Variants in SYT16 observed in about 807,000 individuals in gnomAD.
SYT16 encodes the protein synaptotagmin-16.
A neutral mutation model predicts 61.4 loss-of-function variants in SYT16; 42 were observed. The observed-to-expected ratio is 0.68, with a 90% CI of 0.53 to 0.89. The LOEUF is 0.89. Ranked by LOEUF, SYT16 falls within the 40% of genes least tolerant of loss-of-function variation. The pLI, the probability that SYT16 is intolerant of heterozygous loss-of-function variation, is 0.00. For missense variants in SYT16, 804 were observed against 807.3 expected, an observed-to-expected ratio of 1.00 and a Z score of 0.05; for synonymous variants, 314 against 302.3, an observed-to-expected ratio of 1.04 and a Z score of -0.40.
intron 1 of SYT16, among the ~76,000 whole-genome samples, chr14:61,953,726 C>G (rs1036753590): frequency 6.6e-6 from 1 of 152,162 alleles, no homozygotes; most frequent in Non-Finnish European, 1.5e-5. Context: ...CTTCCTTATC[C>G]TGGGACTGAA....
At position 61,996,479 on chromosome 14, in the gene SYT16, C is replaced by G; in HGVS notation, c.460C>G (p.Leu154Val). 2 of 1,613,202 alleles carry G rather than the reference C, an allele frequency of 1.2e-6. No individual in the cohort carries two copies. Among genetic ancestry groups the G allele is most frequent in the South Asian group, 1.1e-5 (1 of 90,964 alleles). The change falls in exon 3 of 8, where the codon CTT (leucine) becomes GTT (valine). Residue 154 changes from leucine to valine, a missense_variant. Physicochemically the swap from Leu to Val is conservative, Grantham distance 32. Transcript: ENST00000683842. ...TCACCTTGAAAAGCAAAGAAGTGGC[C>G]TTCAACATGGCTTTGACAGCCAGCT... Reference protein sequence around the residue: ...EHHLEKQRSGLQHGFDSQLPG... With the variant: ...EHHLEKQRSGVQHGFDSQLPG...
intron 4 of SYT16, among the ~76,000 whole-genome samples, chr14:62,071,741 C>G (rs1201097919): frequency 6.6e-6 from 1 of 151,972 alleles, no homozygotes; most frequent in Non-Finnish European, 1.5e-5. Context: ...CTGTTTTATT[C>G]CACTGTAAAC....
chr14:61,829,811 C>G (rs1030764353), intron 1 of SYT16, among the ~76,000 whole-genome samples: 1 of 152,060 alleles, frequency 6.6e-6, no homozygotes, highest in Admixed American at 6.6e-5. Flanking sequence ...CCAGCCACCA[C>G]GCCCAGCTAA....
intron 1 of SYT16, among the ~76,000 whole-genome samples, chr14:61,932,746 C>T (rs187037402): frequency 1.3e-5 from 2 of 152,302 alleles, no homozygotes; most frequent in African/African-American, 4.8e-5. Flanking sequence ...CCTTACACCC[C>T]TTCCCCATCT....
intron 1 of SYT16, among the ~76,000 whole-genome samples, chr14:61,957,257 G>C (rs2050915498): frequency 6.6e-6 from 1 of 151,796 alleles, no homozygotes; most frequent in African/African-American, 2.4e-5. Context: ...GGCATCTGCA[G>C]ACAGAGAAAG....
At position 62,100,376 on chromosome 14, in the gene SYT16, C is replaced by CTTTT. The variant is rs749150838; in HGVS notation, c.1625-11_1625-8dup. 13 of 1,286,598 alleles carry CTTTT rather than the reference C, an allele frequency of 1.0e-5. No individual in the cohort carries two copies. Among genetic ancestry groups the CTTTT allele is most frequent in the South Asian group, 1.5e-5 (1 of 64,960 alleles). The allele number at this position is 1,286,598 out of a possible 1,614,324, so 79.7% of individuals were successfully genotyped here. ...TGTTTCTTATCATCCCCACCCCACC[C>CTTTT]TTTTTTTTTTGTCTTAGATACATAT... is the stretch of plus-strand genomic sequence containing the variant. On this transcript the variant is annotated splice_polypyrimidine_tract_variant and intron_variant, in intron 7 of 7. Transcript: ENST00000683842.
chr14:61,887,289 C>T (rs1178730258), intron 1 of SYT16, among the ~76,000 whole-genome samples: 1 of 152,196 alleles, frequency 6.6e-6, no homozygotes, highest in East Asian at 1.9e-4. Flanking sequence ...AACAGATATG[C>T]TGTCATCCAG....
At chr14:61,993,172 C>G (rs1333615326) in intron 2 of SYT16, among the ~76,000 whole-genome samples, 1 of 150,568 alleles carries the variant, frequency 6.6e-6, no homozygotes, top group Non-Finnish European at 1.5e-5. Flanking sequence ...AGTTTTCTAC[C>G]AAACATCACA....
chr14:61,831,113 A>T (rs920536257), intron 1 of SYT16, among the ~76,000 whole-genome samples: 2 of 152,234 alleles, frequency 1.3e-5, no homozygotes, highest in Admixed American at 6.5e-5. Context: ...TTTGGTTGTC[A>T]CAACTGGAGG....
chr14:61,873,601 C>A (rs149410401), intron 1 of SYT16, among the ~76,000 whole-genome samples: 4 of 152,280 alleles, frequency 2.6e-5, no homozygotes, highest in South Asian at 2.1e-4. Context: ...TTTAAAAAAT[C>A]ATTTTCTCAC....
chr14:62,007,353 T>C (rs2053264359), intron 3 of SYT16, among the ~76,000 whole-genome samples: 1 of 152,186 alleles, frequency 6.6e-6, no homozygotes, highest in African/African-American at 2.4e-5. Flanking sequence ...CATTTGATAG[T>C]ATTTGCCATC....
chr14:62,090,225 A>C lies in SYT16; in HGVS notation c.1624+5840A>C, dbSNP rs539671237. Among the ~76,000 whole-genome samples, 38 of 152,350 alleles carry C rather than the reference A, an allele frequency of 2.5e-4. No individual in the cohort carries two copies. The South Asian group carries it at 7.9e-3, about 32-fold the overall frequency. ...ATGTACAGATATAATGGTCATTGTC[A>C]AAAACTATCATTAAGATGTTCCCTC... On this transcript the variant is annotated intron_variant, in intron 7 of 7. Coordinates refer to ENST00000683842, the MANE Select transcript of SYT16 (RefSeq NM_001367656.1).
intron 3 of SYT16, among the ~76,000 whole-genome samples, chr14:62,012,895 G>A (rs2053525055): frequency 6.6e-6 from 1 of 152,184 alleles, no homozygotes. Context: ...AGACTGCAGG[G>A]AAACTCACAT....
intron 3 of SYT16, among the ~76,000 whole-genome samples, chr14:61,998,550 C>T (rs2052864330): frequency 6.6e-6 from 1 of 151,960 alleles, no homozygotes; most frequent in Admixed American, 6.6e-5. Context: ...ATTGCTGAAT[C>T]ATATTCCATT....
At chr14:62,079,031 T>C (rs1358456002) in intron 5 of SYT16, among the ~76,000 whole-genome samples, 1 of 152,232 alleles carries the variant, frequency 6.6e-6, no homozygotes, top group African/African-American at 2.4e-5. Context: ...TGTTAGCTAT[T>C]ATTACTTATG....
intron 1 of SYT16, among the ~76,000 whole-genome samples, chr14:61,819,673 A>C (rs1341676354): frequency 1.3e-5 from 2 of 152,212 alleles, no homozygotes; most frequent in South Asian, 4.1e-4. Context: ...CAGATAACCT[A>C]CCAATTACAA....
chr14:61,894,718 C>T lies in SYT16; in HGVS notation c.-324-75414C>T, dbSNP rs1186709727. ...TCTTCTCAGAGAGGGAGGCTGGATT[C>T]TGTGCACACTCAAGAATCACTTCAT... On this transcript the variant is annotated intron_variant, in intron 1 of 7. Transcript: ENST00000683842. Among the ~76,000 whole-genome samples the T allele has an allele frequency of 3.3e-5, 5 of 152,132 alleles. 1 individual carries two copies.
intron 1 of SYT16, among the ~76,000 whole-genome samples, chr14:61,842,046 T>C (rs555405184): frequency 6.6e-6 from 1 of 152,266 alleles, no homozygotes; most frequent in Non-Finnish European, 1.5e-5. Context: ...AAATTTTAAT[T>C]TGTGTGGGTA....
intron 2 of SYT16, among the ~76,000 whole-genome samples, chr14:61,995,249 T>A (rs1158109581): frequency 6.6e-6 from 1 of 152,088 alleles, no homozygotes; most frequent in Non-Finnish European, 1.5e-5. Flanking sequence ...GCTATCTATC[T>A]TCGGGAGGTT....
Sources: gnomAD v4.1 joint callset for allele counts (sites outside exome capture counted in the v4.1 genomes callset) on GRCh38, gnomAD v4.1.1 for gene constraint, MANE v1.5 for transcripts, NCBI Gene and HGNC (gene_info 2026-07-23, HGNC 2026-07-21) for gene names.